Variants in HSPA4 observed in about 807,000 individuals in gnomAD.
HSPA4 encodes the protein heat shock protein family A (Hsp70) member 4.
Under a neutral mutation model 106.2 loss-of-function variants are expected in HSPA4, and 25 were observed. The ratio of observed to expected loss-of-function variants is 0.24; its 90% confidence interval spans 0.17 to 0.33. The LOEUF is 0.33. Among genes scored for constraint, HSPA4 ranks in the 10% least tolerant of loss-of-function variants. The probability of loss-of-function intolerance (pLI) is 1.00; values close to 1 mark genes in which losing one functional copy is unlikely to be tolerated. For synonymous variants in HSPA4, 332 were observed against 333.6 expected (o/e 1.00, Z 0.05); for missense variants, 841 against 996.0 (o/e 0.84, Z 2.10).
chr5:133,065,170 C>T (rs1581466519), intron 2 of HSPA4, 133 bp downstream of exon 2: 8 of 682,846 alleles, frequency 1.2e-5, no homozygotes, highest in Non-Finnish European at 1.8e-5. Flanking sequence ...CAGACCTCTT[C>T]TCTGTTCCCA....
In HSPA4 at chr5:133,104,219, C is replaced by G; in HGVS notation, c.2320-14C>G. ...ATTTTATAAGAAACCAGTTTTCTGT[C>G]TTACCCATTCCAGGAGCTGACAAGT... On this transcript the variant is annotated splice_polypyrimidine_tract_variant and intron_variant, in intron 18 of 18. Transcript: ENST00000304858. 2 of 1,611,280 alleles carry G rather than the reference C, an allele frequency of 1.2e-6. No individual in the cohort carries two copies. The highest frequency in any genetic ancestry group is 1.1e-5 in the South Asian group (1 of 90,932).
At chr5:133,061,029 A>T (rs906452467) in intron 1 of HSPA4, among the ~76,000 whole-genome samples, 2 of 151,650 alleles carry the variant, frequency 1.3e-5, no homozygotes. Context: ...CAGATTTTAC[A>T]TTTTTCATTA....
At position 133,092,774 on chromosome 5, in the gene HSPA4, G is replaced by C; in HGVS notation, c.1635G>C (p.Glu545Asp). 1 of 1,359,484 alleles carries C rather than the reference G, an allele frequency of 7.4e-7. No homozygotes were observed. Among genetic ancestry groups the C allele is most frequent in the Non-Finnish European group, 1.0e-6 (1 of 965,198 alleles). The allele number at this position is 1,359,484 out of a possible 1,614,324, so 84.2% of individuals were successfully genotyped here. ...QQQTPAENKA[E>D]SEEMETSQAG... ...AGACACCAGCAGAAAATAAGGCAGA[G>C]TCTGAAGAAATGGAGGTATGCATTG... Residue 545 changes from glutamate (E) to aspartate (D), a missense_variant, in exon 13 of 19, where the codon GAG (glutamate) becomes GAC (aspartate). Coordinates refer to ENST00000304858, the MANE Select transcript of HSPA4 (RefSeq NM_002154.4).
At chr5:133,081,110 T>C (rs1471746296) in intron 7 of HSPA4, among the ~76,000 whole-genome samples, 3 of 152,080 alleles carry the variant, frequency 2.0e-5, no homozygotes, top group Non-Finnish European at 4.4e-5. Flanking sequence ...TGCAGTGGTA[T>C]GATCTTGGCT....
rs1052059753 is a variant in HSPA4 at position 133,060,525 on chromosome 5, G to A, written c.108-4455G>A. Among the ~76,000 whole-genome samples the A allele has an allele frequency of 1.6e-4, 24 of 152,074 alleles. 1 individual carries two copies. The highest frequency in any genetic ancestry group is 5.3e-4 in the African/African-American group (22 of 41,404). Reference sequence around the variant, plus strand: ...TTACAGGCGCGTGCCACCATGCCTGGCTAATTTTTGTATTTTTAGTAGAGA... The same window carrying A: ...TTACAGGCGCGTGCCACCATGCCTGACTAATTTTTGTATTTTTAGTAGAGA... On this transcript the variant is annotated intron_variant, in intron 1 of 18. Coordinates refer to ENST00000304858, the MANE Select transcript of HSPA4 (RefSeq NM_002154.4).
chr5:133,068,471 A>T (rs4321746), intron 3 of HSPA4, among the ~76,000 whole-genome samples: 55,257 of 151,698 alleles, frequency 0.36, 12,149 homozygotes, highest in African/African-American at 0.62. Context: ...GGCAGGTGAG[A>T]TTACGGAGAG....
chr5:133,077,943 T>A (rs1160202283), intron 7 of HSPA4, among the ~76,000 whole-genome samples: 1 of 152,160 alleles, frequency 6.6e-6, no homozygotes, highest in Non-Finnish European at 1.5e-5. Flanking sequence ...TTTAAGAAAT[T>A]GTTAGTGAAA....
Position 133,091,245 on chromosome 5 carries a change from A to G in HSPA4, c.1431A>G (p.Lys477=). The G allele has an allele frequency of 6.2e-7, 1 of 1,614,152 alleles. No individual in the cohort carries two copies. The highest frequency in any genetic ancestry group is 2.2e-5 in the East Asian group (1 of 44,888). Residue 477 remains lysine (K), a synonymous_variant, in exon 12 of 19, where the codon AAA becomes AAG. Transcript: ENST00000304858. The part of the protein sequence containing the change: ...VTPQSDGSSS[K]VKVKVRVNVH... ...CTCAGTCTGATGGCTCCAGTTCAAA[A>G]GTGAAAGTCAAAGTTCGAGTAAATG...
intron 1 of HSPA4, among the ~76,000 whole-genome samples, chr5:133,059,990 C>G (rs2126693828): frequency 6.6e-6 from 1 of 151,956 alleles, no homozygotes; most frequent in East Asian, 1.9e-4. Context: ...GTGTCAAAAT[C>G]CTCAATAATT....
At chr5:133,093,549 G>A (rs1428079582) in intron 13 of HSPA4, among the ~76,000 whole-genome samples, 1 of 152,014 alleles carries the variant, frequency 6.6e-6, no homozygotes, top group Non-Finnish European at 1.5e-5. Flanking sequence ...GGAGTACAGT[G>A]GCATGATCTC....
At chr5:133,091,965 C>T (rs531416997) in intron 12 of HSPA4, among the ~76,000 whole-genome samples, 17 of 152,280 alleles carry the variant, frequency 1.1e-4, no homozygotes, top group Admixed American at 5.9e-4. Context: ...AGGAGGATTG[C>T]GTGAGCCTAG....
At chr5:133,101,036 A>C (rs1765778571) in intron 16 of HSPA4, among the ~76,000 whole-genome samples, 1 of 151,864 alleles carries the variant, frequency 6.6e-6, no homozygotes, top group South Asian at 2.1e-4. Flanking sequence ...GTACTCCTGG[A>C]CTCAAGCAAT....
intron 13 of HSPA4, among the ~76,000 whole-genome samples, chr5:133,092,993 TTTTTTTTTGTA>T (rs1263626653): frequency 1.3e-5 from 2 of 150,484 alleles, no homozygotes; most frequent in African/African-American, 4.9e-5. Context: ...CTATTTTTTT[TTTTTTTTTGTA>T]TTTTTTAGTA....
chr5:133,099,548 C>G lies in HSPA4; in HGVS notation c.1933C>G (p.Arg645Gly), dbSNP rs142317951. Residue 645 changes from arginine (R) to glycine (G), a missense_variant, in exon 16 of 19, where the codon CGT becomes GGT. Physicochemically the swap from Arg to Gly is moderately radical, Grantham distance 125. Around this residue, in one of 5 missense-constraint regions of HSPA4, gnomAD observed 328 missense variants for 372.2 expected, o/e 0.88. Coordinates refer to ENST00000304858, the MANE Select transcript of HSPA4 (RefSeq NM_002154.4). ...ATAATATTTTCTTTATCATTAGGAT[C>G]GTAACAGTTTTACTTTGAAACTGGA... ...EYEKFVSEDDRNSFTLKLEDT... is the reference protein window; with the variant it reads ...EYEKFVSEDDGNSFTLKLEDT... 236 of 1,531,978 alleles carry G rather than the reference C, an allele frequency of 1.5e-4. No individual in the cohort carries two copies. Among genetic ancestry groups the G allele is most frequent in the Non-Finnish European group, 2.1e-4 (232 of 1,107,614 alleles). The allele number at this position is 1,531,978 out of a possible 1,614,324, so 94.9% of individuals were successfully genotyped here.
rs1190264025 is a variant in HSPA4 at position 133,091,251 on chromosome 5, A to G, written c.1437A>G (p.Lys479=). The G allele has an allele frequency of 4.3e-6, 7 of 1,614,026 alleles. No individual in the cohort carries two copies. Among genetic ancestry groups the G allele is most frequent in the African/African-American group, 1.3e-5 (1 of 74,936 alleles). ...CTGATGGCTCCAGTTCAAAAGTGAA[A>G]GTCAAAGTTCGAGTAAATGTCCATG... ...PQSDGSSSKV[K]VKVRVNVHGI... Residue 479 remains lysine, a synonymous_variant, in exon 12 of 19, where the codon AAA becomes AAG. Transcript: ENST00000304858.
At chr5:133,099,507 TTTGA>T in intron 15 of HSPA4, 34 bp from the exon 16 acceptor site, 2 of 1,105,458 alleles carry the variant, frequency 1.8e-6, no homozygotes, top group Non-Finnish European at 2.7e-6. Context: ...GGATGTAATT[TTTGA>T]TTGACCTAAT....
chr5:133,081,658 T>C lies in HSPA4; in HGVS notation c.908+4760T>C, dbSNP rs533659971. On this transcript the variant is annotated intron_variant, in intron 7 of 18. Coordinates refer to ENST00000304858, the MANE Select transcript of HSPA4 (RefSeq NM_002154.4). The stretch of plus-strand genomic sequence containing the variant: ...GTCAATTATATACCCTTTTGTTTCC[T>C]TCTGTTTATTTTGTACAGAGCTGAT... Among the ~76,000 whole-genome samples, 3 of 152,348 alleles carry C rather than the reference T, an allele frequency of 2.0e-5. No individual in the cohort carries two copies. In the South Asian group the frequency reaches 6.2e-4, roughly 32 times the overall value.
intron 14 of HSPA4, among the ~76,000 whole-genome samples, chr5:133,096,683 A>C (rs1179300457): frequency 6.6e-6 from 1 of 152,204 alleles, no homozygotes; most frequent in East Asian, 1.9e-4. Flanking sequence ...AGTAACTCTT[A>C]CTGAGTGATG....
chr5:133,060,231 T>G (rs1285794193), intron 1 of HSPA4, among the ~76,000 whole-genome samples: 1 of 152,194 alleles, frequency 6.6e-6, no homozygotes, highest in Non-Finnish European at 1.5e-5. Flanking sequence ...AGTAAACTTG[T>G]ACCAAGAAGC....
Sources: allele counts gnomAD v4.1 joint callset (sites outside exome capture counted in the v4.1 genomes callset), GRCh38; gene constraint gnomAD v4.1.1; regional missense constraint gnomAD v4.1.1; transcripts MANE v1.5; gene names NCBI Gene and HGNC (gene_info 2026-07-23, HGNC 2026-07-21).